Variants in DNAH5 observed in about 807,000 individuals in gnomAD.
DNAH5 encodes axonemal beta dynein heavy chain 5.
A neutral mutation model predicts 518.2 loss-of-function variants in DNAH5; 372 were observed. That is an observed-to-expected ratio of 0.72 (90% CI 0.66 to 0.78). The LOEUF is 0.78. Ranked by LOEUF, DNAH5 falls within the 30% of genes least tolerant of loss-of-function variation. The pLI is 0.00. For synonymous variants in DNAH5, 2,039 were observed against 2,025.9 expected (o/e 1.01, Z -0.17); for missense variants, 5,523 against 5,687.0 (o/e 0.97, Z 0.93).
rs1743002188 is a variant in DNAH5, at chr5:13,707,849, T to C, written c.13338+274A>G. On this transcript the variant is annotated intron_variant, in intron 76 of 78. Coordinates refer to ENST00000265104, the MANE Select transcript of DNAH5 (RefSeq NM_001369.3). The surrounding 1 kb of genome is among the most constrained non-coding windows in gnomAD (Gnocchi z 4.0). ...AGAAAAGACTTAACCTGTCCCAAACTTAAGTTTCTCATCTGTAAAATAAGA... is the reference window on the plus strand; with the variant it reads ...AGAAAAGACTTAACCTGTCCCAAACCTAAGTTTCTCATCTGTAAAATAAGA... 6.6e-6 allele frequency among the ~76,000 whole-genome samples: 1 copy of C among 152,134 alleles called. No individual in the cohort carries two copies. Among genetic ancestry groups the C allele is most frequent in the Non-Finnish European group, 1.5e-5 (1 of 68,032 alleles).
intron 1 of DNAH5, among the ~76,000 whole-genome samples, chr5:13,967,077 G>T (rs1163758697): frequency 1.3e-5 from 2 of 152,062 alleles, no homozygotes; most frequent in Non-Finnish European, 2.9e-5. Flanking sequence ...GGCTAGGCTG[G>T]TCTCAAACTC....
At chr5:13,703,256 G>A (rs1360146437) in intron 76 of DNAH5, among the ~76,000 whole-genome samples, 1 of 152,156 alleles carries the variant, frequency 6.6e-6, no homozygotes, top group Non-Finnish European at 1.5e-5. Context: ...AGAAGAGGAG[G>A]TGACCTCATG....
chr5:13,780,717 G>A (rs2126835953), intron 53 of DNAH5, 112 bp downstream of exon 53: 1 of 1,226,170 alleles, frequency 8.2e-7, no homozygotes. Flanking sequence ...ATTCAAGAAG[G>A]AAAATGACTG....
Position 13,850,659 on chromosome 5 carries a change from G to T in DNAH5, c.5107C>A (p.Leu1703Ile). The change falls in exon 31 of 79, where the codon CTT (leucine) becomes ATT (isoleucine). Residue 1703 changes from leucine (L) to isoleucine (I), a missense_variant. By Grantham distance (5) the Leu-to-Ile change is conservative. Coordinates refer to ENST00000265104, the MANE Select transcript of DNAH5 (RefSeq NM_001369.3). ...LDQLEICQKS[L>I]TGYLEKKRLC... ...AAGAGCCAGTGAACTTACCCAGTAAGGGATTTCTGGCATATTTCCAACTGG... is the reference window on the plus strand; with the variant it reads ...AAGAGCCAGTGAACTTACCCAGTAATGGATTTCTGGCATATTTCCAACTGG... The T allele has an allele frequency of 1.2e-6, 2 of 1,613,872 alleles. No homozygotes were observed. The highest frequency in any genetic ancestry group is 1.7e-6 in the Non-Finnish European group (2 of 1,179,798).
chr5:13,820,051 T>C (rs961220140), intron 41 of DNAH5, among the ~76,000 whole-genome samples: 2 of 152,156 alleles, frequency 1.3e-5, no homozygotes, highest in Admixed American at 6.5e-5. Context: ...GCCTTGATTT[T>C]TATACAAAAT....
At chr5:13,772,104 T>C (rs1476567430) in intron 55 of DNAH5, among the ~76,000 whole-genome samples, 4 of 152,120 alleles carry the variant, frequency 2.6e-5, no homozygotes, top group Non-Finnish European at 5.9e-5. Context: ...CTCTAAGAAG[T>C]TCAAGTCTAG....
chr5:13,866,359 T>G, intron 25 of DNAH5, 77 bp from the exon 26 acceptor site: 1 of 1,228,024 alleles, frequency 8.1e-7, no homozygotes, highest in Non-Finnish European at 1.2e-6. Context: ...CATATTTAAA[T>G]ATTAAAGTTA....
chr5:13,987,605 C>G (rs1265220129), intron 1 of DNAH5, among the ~76,000 whole-genome samples: 1 of 152,160 alleles, frequency 6.6e-6, no homozygotes, highest in East Asian at 1.9e-4. Context: ...GTAATCCCAG[C>G]ACTTTGGGAG....
chr5:13,701,709 G>A (rs566131785), intron 76 of DNAH5, among the ~76,000 whole-genome samples: 3 of 152,142 alleles, frequency 2.0e-5, no homozygotes, highest in South Asian at 4.1e-4. Context: ...GATATCTAAC[G>A]TCAATTGAAT....
rs377639334 is a variant in DNAH5, at chr5:13,793,613, G to A, written c.8126C>T (p.Pro2709Leu). ...GGGTATGTCATTGCGTCCACCACCA[G>A]GATGGATCATGGCTGCCAAAAACTG... The part of the protein sequence containing the change: ...DIQFLAAMIH[P>L]GGGRNDIPQR... Residue 2709 changes from proline (P) to leucine (L), a missense_variant, in exon 49 of 79, where the codon CCT (proline) becomes CTT (leucine). By Grantham distance (98) the Pro-to-Leu change is moderately conservative (BLOSUM62 -3). Transcript: ENST00000265104. 8.7e-6 allele frequency: 14 copies of A among 1,613,998 alleles called. No homozygotes were observed. The highest frequency in any genetic ancestry group is 1.6e-4 in the Middle Eastern group (1 of 6,084).
Position 13,792,046 on chromosome 5 carries a change from C to A in DNAH5, c.8396G>T (p.Arg2799Leu). Residue 2799 changes from arginine to leucine, a missense_variant, in exon 50 of 79, where the codon CGG becomes CTG. Physicochemically the swap from Arg to Leu is moderately radical, Grantham distance 102 (BLOSUM62 -2). Around this residue, in one of 3 missense-constraint regions of DNAH5, gnomAD observed 5,121 missense variants for 5,223.3 expected, o/e 0.98. Transcript: ENST00000265104. The stretch of plus-strand genomic sequence containing the variant: ...AGTGTTCAGCATTCCCTGCCAGACC[C>A]GAGAAAGATCTCGTAGGTTAAACAC... Reference protein sequence around the residue: ...HYVFNLRDLSRVWQGMLNTTS... With the variant: ...HYVFNLRDLSLVWQGMLNTTS... 1.2e-6 allele frequency: 2 copies of A among 1,613,958 alleles called. No individual in the cohort carries two copies. Among genetic ancestry groups the A allele is most frequent in the Non-Finnish European group, 1.7e-6 (2 of 1,179,976 alleles).
rs547221134 is a variant in DNAH5, at chr5:13,795,574, A to G, written c.7888-1516T>C. ...CAATAATTAATAGCCTACCAACCAA[A>G]AAAAGTCCAGGACCAGACGGATTCA... On this transcript the variant is annotated intron_variant, in intron 47 of 78. Transcript: ENST00000265104. 2.3e-3 allele frequency among the ~76,000 whole-genome samples: 353 copies of G among 152,336 alleles called. 3 individuals are homozygous for G. The highest frequency in any genetic ancestry group is 8.2e-3 in the African/African-American group (340 of 41,588).
chr5:13,826,652 G>A (rs1762928549), intron 38 of DNAH5, among the ~76,000 whole-genome samples: 1 of 152,226 alleles, frequency 6.6e-6, no homozygotes, highest in South Asian at 2.1e-4. Context: ...CCATGCTGAA[G>A]TGTGATTCAA....
upstream of DNAH5, among the ~76,000 whole-genome samples, chr5:13,946,770 C>T (rs1385131849): frequency 6.6e-6 from 1 of 152,162 alleles, no homozygotes; most frequent in Non-Finnish European, 1.5e-5. Context: ...CTCATGTGGG[C>T]GGAAGGCTTC....
chr5:13,903,793 G>A (rs1245010422), intron 12 of DNAH5, among the ~76,000 whole-genome samples: 4 of 152,032 alleles, frequency 2.6e-5, no homozygotes, highest in African/African-American at 7.2e-5. Flanking sequence ...CAACTTTATA[G>A]GCATTTGGGT....
rs749640233 is a variant in DNAH5 at position 13,721,165 on chromosome 5, T to A, written c.12114A>T (p.Glu4038Asp). 39 of 1,614,010 alleles carry A rather than the reference T, an allele frequency of 2.4e-5. No homozygotes were observed. Among genetic ancestry groups the A allele is most frequent in the Non-Finnish European group, 3.0e-5 (35 of 1,179,998 alleles). Residue 4038 changes from glutamate (E) to aspartate (D), a missense_variant, in exon 71 of 79, where the codon GAA (glutamate) becomes GAT (aspartate). Physicochemically the swap from Glu to Asp is conservative, Grantham distance 45 (BLOSUM62 2). Transcript: ENST00000265104. ...AGATGAGTGGCGTCCGTGGATCAGA[T>A]TCCTCCCACGTCTTCTCCAAGTCTA... ...VILDLEKTWE[E>D]SDPRTPLICL...
chr5:13,770,344 G>C (rs917371937), intron 56 of DNAH5, among the ~76,000 whole-genome samples: 1 of 152,170 alleles, frequency 6.6e-6, no homozygotes, highest in African/African-American at 2.4e-5. Flanking sequence ...CAAGAAGAGG[G>C]AAGAGGGGAT....
chr5:13,699,745 AT>A (rs1741837205), intron 78 of DNAH5, among the ~76,000 whole-genome samples: 1 of 152,192 alleles, frequency 6.6e-6, no homozygotes, highest in Non-Finnish European at 1.5e-5. Flanking sequence ...CTTGTAGTTC[AT>A]AAATTATTTT....
chr5:13,859,139 ACT>A (rs1165407242), intron 30 of DNAH5, among the ~76,000 whole-genome samples: 2 of 152,142 alleles, frequency 1.3e-5, no homozygotes, highest in African/African-American at 4.8e-5. Context: ...ATAATTCTAC[ACT>A]GTTCCAAATT....
Sources: gnomAD v4.1 joint callset for allele counts (sites outside exome capture counted in the v4.1 genomes callset) on GRCh38, gnomAD v4.1.1 for gene constraint, gnomAD v4.1.1 regional missense constraint, Gnocchi (gnomAD v3.1) non-coding constraint, MANE v1.5 for transcripts, NCBI Gene and HGNC (gene_info 2026-07-23, HGNC 2026-07-21) for gene names.